The following CREB3L2 variants were observed in gnomAD, a reference collection of about 807,000 sequenced individuals.
The protein encoded by CREB3L2 is cyclic AMP-responsive element-binding protein 3-like protein 2.
CREB3L2 carries 23 observed loss-of-function variants against 57.2 expected under a neutral mutation model. The observed-to-expected ratio is 0.40, with a 90% CI of 0.29 to 0.57. The LOEUF is 0.57. CREB3L2 is among the 20% of genes least tolerant of loss of function. CREB3L2 has a pLI of 0.42. For missense variants in CREB3L2, 628 were observed against 634.7 expected (o/e 0.99, Z 0.11); for synonymous variants, 268 against 265.1 (o/e 1.01, Z -0.11).
chr7:137,899,225 T>C (rs943862852), intron 8 of CREB3L2, among the ~76,000 whole-genome samples: 6 of 151,826 alleles, frequency 4.0e-5, no homozygotes, highest in Non-Finnish European at 7.4e-5. Context: ...GGCAAGGTAG[T>C]GGGGTCGGTC....
chr7:137,925,231 G>C (rs765595153), intron 2 of CREB3L2, among the ~76,000 whole-genome samples: 1 of 152,098 alleles, frequency 6.6e-6, no homozygotes, highest in Non-Finnish European at 1.5e-5. Context: ...GAAAAAAGGA[G>C]AAAAACTCTA....
intron 1 of CREB3L2, among the ~76,000 whole-genome samples, chr7:137,953,140 T>G (rs897300046): frequency 6.6e-6 from 1 of 152,228 alleles, no homozygotes; most frequent in African/African-American, 2.4e-5. Context: ...TTCAATCACT[T>G]AGTAAGACCT....
chr7:137,946,798 A>C lies in CREB3L2; in HGVS notation c.103-18432T>G, dbSNP rs546671143. On this transcript the variant is annotated intron_variant, in intron 1 of 11. Coordinates refer to ENST00000330387, the MANE Select transcript of CREB3L2 (RefSeq NM_194071.4). Reference sequence around the variant, plus strand: ...TCTATATAGTTATCTATATAGTTATATATAGTTATATATAGTTATCTATAT... The same window carrying C: ...TCTATATAGTTATCTATATAGTTATCTATAGTTATATATAGTTATCTATAT... 9.6e-5 allele frequency among the ~76,000 whole-genome samples: 7 copies of C among 72,940 alleles called. 1 individual carries two copies. The highest frequency in any genetic ancestry group is 1.6e-4 in the Admixed American group (1 of 6,310). The allele number at this position is 72,940 out of a possible 152,430, so 47.9% of individuals were successfully genotyped here.
chr7:137,917,322 C>T (rs892673103), intron 2 of CREB3L2, among the ~76,000 whole-genome samples: 1 of 150,828 alleles, frequency 6.6e-6, no homozygotes, highest in Non-Finnish European at 1.5e-5. Flanking sequence ...CTGGAAAAGC[C>T]GGGAGGAGGG....
At chr7:137,963,994 T>C (rs1163527959) in intron 1 of CREB3L2, among the ~76,000 whole-genome samples, 1 of 152,210 alleles carries the variant, frequency 6.6e-6, no homozygotes, top group Non-Finnish European at 1.5e-5. Context: ...AGAAGATCCT[T>C]TATCCCTTTT....
At chr7:137,924,041 T>C (rs893525379) in intron 2 of CREB3L2, among the ~76,000 whole-genome samples, 2 of 152,166 alleles carry the variant, frequency 1.3e-5, no homozygotes, top group African/African-American at 2.4e-5. Flanking sequence ...ACTGTGTTCA[T>C]TCCCACCTGA....
At chr7:137,958,435 C>G (rs528044660) in intron 1 of CREB3L2, among the ~76,000 whole-genome samples, 25 of 152,138 alleles carry the variant, frequency 1.6e-4, no homozygotes, top group Middle Eastern at 3.4e-3. Context: ...GAGGCCAGGG[C>G]AGGAGGATCG....
chr7:137,881,449 C>T (rs1334429774), intron 11 of CREB3L2, among the ~76,000 whole-genome samples: 1 of 152,180 alleles, frequency 6.6e-6, no homozygotes, highest in Non-Finnish European at 1.5e-5. Context: ...AAATCTATAA[C>T]ACTTCTGGTC....
At chr7:137,916,867 G>A (rs1800148763) in intron 2 of CREB3L2, among the ~76,000 whole-genome samples, 1 of 152,184 alleles carries the variant, frequency 6.6e-6, no homozygotes, top group South Asian at 2.1e-4. Flanking sequence ...TAACCAACGG[G>A]AGAAGATGAG....
chr7:137,928,851 C>T (rs762606766), intron 1 of CREB3L2, among the ~76,000 whole-genome samples: 1 of 152,110 alleles, frequency 6.6e-6, no homozygotes, highest in Non-Finnish European at 1.5e-5. Context: ...ACCCATGGGG[C>T]GGGAAAACAG....
At chr7:137,923,822 T>C (rs1317409743) in intron 2 of CREB3L2, among the ~76,000 whole-genome samples, 2 of 152,202 alleles carry the variant, frequency 1.3e-5, no homozygotes, top group African/African-American at 4.8e-5. Context: ...TGGATAACTA[T>C]ATCAGTGCAC....
rs189241955 is a variant in CREB3L2 at position 137,931,315 on chromosome 7, G to A, written c.103-2949C>T. On this transcript the variant is annotated intron_variant, in intron 1 of 11. Transcript: ENST00000330387. ...AGATGGGCGGATCATGAGGTCAGGA[G>A]ATCGAGACCATCCTGGCTAACATGG... 3.2e-4 allele frequency among the ~76,000 whole-genome samples: 49 copies of A among 151,060 alleles called. No individual in the cohort carries two copies. The East Asian group carries it at 9.4e-3, about 29-fold the overall frequency.
chr7:137,994,720 G>A (rs1016103621), intron 1 of CREB3L2, among the ~76,000 whole-genome samples: 2 of 152,166 alleles, frequency 1.3e-5, no homozygotes, highest in Non-Finnish European at 1.5e-5. Flanking sequence ...CCGAGGCAGA[G>A]GATCCCTTGA....
chr7:137,965,481 T>C (rs1801393746), intron 1 of CREB3L2, among the ~76,000 whole-genome samples: 1 of 152,174 alleles, frequency 6.6e-6, no homozygotes, highest in South Asian at 2.1e-4. Flanking sequence ...ACATCTGAAA[T>C]ATCAGAATAT....
chr7:137,884,683 TTTCCCTCATCTGC>T, intron 10 of CREB3L2: 5 of 592,640 alleles, frequency 8.4e-6, no homozygotes, highest in Admixed American at 3.0e-5. Context: ...CGACAGACTC[TTTCCCTCATCTGC>T]TTCCCTCTCC....
At chr7:137,946,716 G>A (rs1423502889) in intron 1 of CREB3L2, among the ~76,000 whole-genome samples, 1 of 144,442 alleles carries the variant, frequency 6.9e-6, no homozygotes, top group Non-Finnish European at 1.5e-5. Context: ...TTTATATATA[G>A]TTATATATAT....
Position 137,877,504 on chromosome 7 carries a change from G to A in CREB3L2, c.*2972C>T. On this transcript the variant is annotated 3_prime_UTR_variant, in exon 12 of 12. Coordinates refer to ENST00000330387, the MANE Select transcript of CREB3L2 (RefSeq NM_194071.4). Reference sequence around the variant, plus strand: ...CTTTTTAAGTGCAAAGTCGAGGGCTGTGAAAAGAACCACGGTGGGGGGTCT... The same window carrying A: ...CTTTTTAAGTGCAAAGTCGAGGGCTATGAAAAGAACCACGGTGGGGGGTCT... 1 of 226,112 alleles carries A rather than the reference G, an allele frequency of 4.4e-6. No individual in the cohort carries two copies. Among genetic ancestry groups the A allele is most frequent in the East Asian group, 6.4e-5 (1 of 15,682 alleles). 14.0% of individuals were successfully genotyped at this position (226,112 alleles called of 1,614,324 possible). A position where few individuals can be genotyped will look rare whatever the true frequency, so the allele number is the denominator to read the frequency against.
In CREB3L2 at chr7:137,876,693, G is replaced by T. The variant is rs1044019871; in HGVS notation, c.*3783C>A. 3 of 232,250 alleles carry T rather than the reference G, an allele frequency of 1.3e-5. No individual in the cohort carries two copies. The allele number at this position is 232,250 out of a possible 1,614,324, so 14.4% of individuals were successfully genotyped here. A position where few individuals can be genotyped will look rare whatever the true frequency, so the allele number is the denominator to read the frequency against. On this transcript the variant is annotated 3_prime_UTR_variant, in exon 12 of 12. Transcript: ENST00000330387. ...GGCCAAATAAAATGACTCTCAAGAG[G>T]GCACTACCTGCCCATGGCTTCACAG...
At chr7:137,883,591 T>A (rs976506417) in intron 10 of CREB3L2, among the ~76,000 whole-genome samples, 4 of 152,164 alleles carry the variant, frequency 2.6e-5, no homozygotes, top group African/African-American at 9.7e-5. Context: ...ACAATAATAA[T>A]AAAATAGAAC....
Sources: allele counts gnomAD v4.1 joint callset (sites outside exome capture counted in the v4.1 genomes callset), GRCh38; gene constraint gnomAD v4.1.1; transcripts MANE v1.5; gene names NCBI Gene and HGNC (gene_info 2026-07-23, HGNC 2026-07-21).